TOP2A: variants seen among roughly 807,000 people sequenced by gnomAD.
TOP2A encodes the protein DNA topoisomerase 2-alpha.
A neutral mutation model predicts 187.2 loss-of-function variants in TOP2A; 68 were observed. The observed-to-expected ratio is 0.36, with a 90% CI of 0.30 to 0.44. The LOEUF (loss-of-function observed/expected upper bound fraction) is 0.44. Ranked by LOEUF, TOP2A falls within the 20% of genes least tolerant of loss-of-function variation. The pLI is 1.00. For synonymous variants in TOP2A, 542 were observed against 593.2 expected, an observed-to-expected ratio of 0.91 and a Z score of 1.25; for missense variants, 1,196 against 1,808.7, an observed-to-expected ratio of 0.66 and a Z score of 6.14.
At position 40,395,531 on chromosome 17, in the gene TOP2A, A is replaced by G; in HGVS notation, c.3729T>C (p.Asn1243=). Residue 1243 remains asparagine (N), a synonymous_variant, in exon 29 of 35, where the codon AAT becomes AAC. Coordinates refer to ENST00000423485, the MANE Select transcript of TOP2A (RefSeq NM_001067.4). ...KKNKKKIKNE[N]TEGSPQEDGV... ...CATCTTCTTGAGGGCTTCCTTCAGT[A>G]TTTTCATTCTAAAAGATAGCAAAGT... 1 of 1,606,368 alleles carries G rather than the reference A, an allele frequency of 6.2e-7. No individual in the cohort carries two copies. Among genetic ancestry groups the G allele is most frequent in the Non-Finnish European group, 8.5e-7 (1 of 1,174,540 alleles).
At chr17:40,416,678 A>T in intron 2 of TOP2A, 62 bp downstream of exon 2, 2 of 1,567,428 alleles carry the variant, frequency 1.3e-6, no homozygotes, top group Non-Finnish European at 8.7e-7. Flanking sequence ...CATGAAAGGT[A>T]CAGAAAGAAG....
intron 7 of TOP2A, among the ~76,000 whole-genome samples, chr17:40,412,522 T>C (rs1421585463): frequency 1.3e-5 from 2 of 152,142 alleles, no homozygotes; most frequent in Non-Finnish European, 2.9e-5. Context: ...CAGGCACCTG[T>C]AATCCCAGCT....
At chr17:40,393,208 C>A (rs780697623) in intron 29 of TOP2A, among the ~76,000 whole-genome samples, 5 of 151,842 alleles carry the variant, frequency 3.3e-5, no homozygotes, top group Non-Finnish European at 4.4e-5. Flanking sequence ...GTGGTTCCAG[C>A]CACTAGGGAG....
At chr17:40,397,162 C>A (rs2035111252) in intron 27 of TOP2A, among the ~76,000 whole-genome samples, 1 of 151,924 alleles carries the variant, frequency 6.6e-6, no homozygotes, top group South Asian at 2.1e-4. Context: ...ATTGGGATTA[C>A]AGGTGTGAGC....
Position 40,400,320 on chromosome 17 carries a change from A to T in TOP2A, c.2889T>A (p.Asp963Glu). 1 of 1,613,422 alleles carries T rather than the reference A, an allele frequency of 6.2e-7. No individual in the cohort carries two copies. Among genetic ancestry groups the T allele is most frequent in the South Asian group, 1.1e-5 (1 of 91,032 alleles). Residue 963 changes from aspartate to glutamate, a missense_variant, in exon 23 of 35, where the codon GAT becomes GAA. Coordinates refer to ENST00000423485, the MANE Select transcript of TOP2A (RefSeq NM_001067.4). ...LITDYREYHT[D>E]TTVKFVVKMT... ...TCTTCACAACAAATTTCACAGTGGTATCTGTATGGTATTCCCTATAGTCTG... is the reference window on the plus strand; with the variant it reads ...TCTTCACAACAAATTTCACAGTGGTTTCTGTATGGTATTCCCTATAGTCTG...
At chr17:40,392,132 C>T (rs1050768549) in intron 31 of TOP2A, 21 bp from the exon 32 acceptor site, 2 of 1,607,726 alleles carry the variant, frequency 1.2e-6, no homozygotes, top group Non-Finnish European at 1.7e-6. Flanking sequence ...AAAAAAAAAT[C>T]CTGACAACCA....
chr17:40,414,522 T>A (rs1381945132), intron 4 of TOP2A, among the ~76,000 whole-genome samples: 3 of 151,964 alleles, frequency 2.0e-5, no homozygotes, highest in African/African-American at 7.3e-5. Flanking sequence ...AAGAGGATCA[T>A]CTATACATCT....
chr17:40,400,504 A>G, intron 22 of TOP2A, 25 bp downstream of exon 22: 7 of 1,602,238 alleles, frequency 4.4e-6, no homozygotes, highest in Non-Finnish European at 6.0e-6. Flanking sequence ...TCACAAACCT[A>G]AAAAAGAAAT....
At chr17:40,403,087 C>T (rs774458367) in intron 19 of TOP2A, 33 bp from the exon 20 acceptor site, 1 of 1,562,196 alleles carries the variant, frequency 6.4e-7, no homozygotes, top group South Asian at 1.2e-5. Flanking sequence ...TAAGCTGAGG[C>T]TTTTACTAAT....
Position 40,416,918 on chromosome 17 carries a change from G to GA in TOP2A, c.22-24dup, listed in dbSNP as rs756349392. 3 of 1,559,370 alleles carry GA rather than the reference G, an allele frequency of 1.9e-6. No homozygotes were observed. The South Asian group carries it at 3.6e-5, about 19-fold the overall frequency. On this transcript the variant is annotated intron_variant, in intron 1 of 34. Transcript: ENST00000423485. ...AGGCTAGCAATTAAAAAAAAAGAGA[G>GA]AAAGAAGGGAATTTTTAATCATAAG...
Position 40,412,612 on chromosome 17 carries a change from C to A in TOP2A, c.789+147G>T, listed in dbSNP as rs570383303. The A allele has an allele frequency of 8.0e-5, 55 of 690,228 alleles. No homozygotes were observed. The African/African-American group carries it at 9.3e-4, about 12-fold the overall frequency. 42.8% of individuals were successfully genotyped at this position (690,228 alleles called of 1,614,324 possible). On this transcript the variant is annotated intron_variant, in intron 7 of 34. Coordinates refer to ENST00000423485, the MANE Select transcript of TOP2A (RefSeq NM_001067.4). ...TGAGCCGAGATCGTGCCACTGCACT[C>A]CAGCCCGGGCAACAGTGTGAGACTC...
intron 30 of TOP2A, 111 bp from the exon 31 acceptor site, chr17:40,392,452 C>T: frequency 6.8e-7 from 1 of 1,474,242 alleles, no homozygotes; most frequent in Non-Finnish European, 9.2e-7. Flanking sequence ...CTGAAAGATG[C>T]TTCAGTGTTT....
chr17:40,416,653 A>G lies in TOP2A; in HGVS notation c.177+87T>C, dbSNP rs757238811. On this transcript the variant is annotated intron_variant, in intron 2 of 34. Coordinates refer to ENST00000423485, the MANE Select transcript of TOP2A (RefSeq NM_001067.4). ...CACTCAGTACATGAGAGATACAGAAAGGTCACACTCAGTACATGAAAGGTA... is the reference window on the plus strand; with the variant it reads ...CACTCAGTACATGAGAGATACAGAAGGGTCACACTCAGTACATGAAAGGTA... 1,803 of 1,505,558 alleles carry G rather than the reference A, an allele frequency of 1.2e-3. 2 individuals are homozygous for G. Among genetic ancestry groups the G allele is most frequent in the Non-Finnish European group, 1.5e-3 (1,619 of 1,098,408 alleles). 93.3% of individuals were successfully genotyped at this position (1,505,558 alleles called of 1,614,324 possible). A position where few individuals can be genotyped will look rare whatever the true frequency, so the allele number is the denominator to read the frequency against.
rs1024851896 is a variant in TOP2A at position 40,411,543 on chromosome 17, A to G, written c.964-88T>C. ...TAAAAACTAATTTAACCTCCTTTAT[A>G]CTAAGCTAGCCCAATATTCAAGTCC... On this transcript the variant is annotated intron_variant, in intron 8 of 34. Transcript: ENST00000423485. The surrounding 1 kb of genome is among the most constrained non-coding windows in gnomAD (Gnocchi z 4.4). 2 of 1,549,664 alleles carry G rather than the reference A, an allele frequency of 1.3e-6. No homozygotes were observed. Among genetic ancestry groups the G allele is most frequent in the African/African-American group, 1.4e-5 (1 of 73,354 alleles).
Position 40,412,759 on chromosome 17 carries a change from T to C in TOP2A, c.789A>G (p.Pro263=), listed in dbSNP as rs766985579. 3.1e-6 allele frequency: 5 copies of C among 1,611,670 alleles called. No homozygotes were observed. The South Asian group carries it at 4.4e-5, about 14-fold the overall frequency. ...CCTTAACATCCAGGAAAATACTCAC[T>C]GGCAGTTTATTTCCATTAAGAAAGA... ...VKVFLNGNKL[P]VKGFRSYVDM... The change falls in exon 7 of 35, where the codon CCA becomes CCG. Residue 263 remains proline, a splice_region_variant and synonymous_variant. Coordinates refer to ENST00000423485, the MANE Select transcript of TOP2A (RefSeq NM_001067.4).
chr17:40,390,696 C>T (rs956168024), intron 33 of TOP2A, among the ~76,000 whole-genome samples: 2 of 145,474 alleles, frequency 1.4e-5, no homozygotes, highest in African/African-American at 5.1e-5. Context: ...GGCACGATCT[C>T]GGCTCACTGT....
At chr17:40,393,314 GAA>G (rs2035049124) in intron 29 of TOP2A, among the ~76,000 whole-genome samples, 1 of 151,544 alleles carries the variant, frequency 6.6e-6, no homozygotes, top group Admixed American at 6.6e-5. Context: ...GAGACAGAGT[GAA>G]ATCTTGTCTC....
chr17:40,411,773 A>C lies in TOP2A; in HGVS notation c.835T>G (p.Leu279Val). The C allele has an allele frequency of 6.2e-7, 1 of 1,608,874 alleles. No homozygotes were observed. Residue 279 changes from leucine to valine, a missense_variant, in exon 8 of 35, where the codon TTG becomes GTG. Transcript: ENST00000423485. The surrounding 1 kb of genome is among the most constrained non-coding windows in gnomAD (Gnocchi z 4.4). ...SYVDMYLKDK[L>V]DETGNSLKVI... Reference sequence around the variant, plus strand: ...TTCAAGGAGTTACCAGTTTCATCCAACTTGTCCTTCAAATACATGTCCACA... The same window carrying C: ...TTCAAGGAGTTACCAGTTTCATCCACCTTGTCCTTCAAATACATGTCCACA...
chr17:40,400,568 G>A lies in TOP2A; in HGVS notation c.2760C>T (p.Thr920=). 6.2e-7 allele frequency: 1 copy of A among 1,610,856 alleles called. No homozygotes were observed. Among genetic ancestry groups the A allele is most frequent in the East Asian group, 2.2e-5 (1 of 44,828 alleles). ...TGACGGGAAGCTCTGAGATTTCAAT[G>A]GTTGTAGAATTAAGAATAGCTACTT... ...SGEVAILNST[T]IEISELPVRT... The change falls in exon 22 of 35, where the codon ACC becomes ACT. Residue 920 remains threonine, a synonymous_variant. Transcript: ENST00000423485.
Sources: gnomAD v4.1 joint callset for allele counts (sites outside exome capture counted in the v4.1 genomes callset) on GRCh38, gnomAD v4.1.1 for gene constraint, Gnocchi (gnomAD v3.1) non-coding constraint, MANE v1.5 for transcripts, NCBI Gene and HGNC (gene_info 2026-07-23, HGNC 2026-07-21) for gene names.